The following FAM20A variants were observed in gnomAD, a reference collection of about 807,000 sequenced individuals.
FAM20A encodes FAM20A golgi associated secretory pathway pseudokinase, also known as pseudokinase FAM20A.
FAM20A carries 42 observed loss-of-function variants against 52.0 expected under a neutral mutation model. That is an observed-to-expected ratio of 0.81 (90% CI 0.63 to 1.04). FAM20A has a LOEUF of 1.04. FAM20A is among the 50% of genes least tolerant of loss of function. The pLI, the probability that FAM20A is intolerant of heterozygous loss-of-function variation, is 0.00. For missense variants in FAM20A, 742 were observed against 712.7 expected, an observed-to-expected ratio of 1.04 and a Z score of -0.47; for synonymous variants, 304 against 298.9, an observed-to-expected ratio of 1.02 and a Z score of -0.18.
In FAM20A at chr17:68,537,548, G is replaced by A. The variant is rs2086129850; in HGVS notation, c.1555C>T (p.Gln519Ter). The A allele has an allele frequency of 6.2e-7, 1 of 1,613,606 alleles. No individual in the cohort carries two copies. The highest frequency in any genetic ancestry group is 8.5e-7 in the Non-Finnish European group (1 of 1,179,738). Residue 519 changes from glutamine to a stop codon, truncating the protein, a stop_gained, in exon 11 of 11, where the codon CAG becomes TAG. Transcript: ENST00000592554. LOFTEE classifies it low-confidence loss of function (END_TRUNC). This position sits in a 1 kb window ranked among gnomAD's most constrained non-coding sequence, Gnocchi z 4.2. ...ACTGGGCCGTCGACTATGACACTCT[G>A]CTGTCCATGGGCCACTATGCACCCC... ...VEGCIVAHGQ[Q>*]SVIVDGPVEQ...
Position 68,540,067 on chromosome 17 carries a change from G to A in FAM20A, c.1220-101C>T, listed in dbSNP as rs566341586. 3.0e-5 allele frequency: 30 copies of A among 1,005,756 alleles called. No homozygotes were observed. In the African/African-American group the frequency reaches 4.4e-4, roughly 15 times the overall value. The allele number at this position is 1,005,756 out of a possible 1,614,324, so 62.3% of individuals were successfully genotyped here. Reference sequence around the variant, plus strand: ...GGAACGGAGGCCTGTCATCACTTGAGAGACAGGGGTGTGAACGAAGCTGGG... The same window carrying A: ...GGAACGGAGGCCTGTCATCACTTGAAAGACAGGGGTGTGAACGAAGCTGGG... On this transcript the variant is annotated intron_variant, in intron 8 of 10. Transcript: ENST00000592554.
At chr17:68,589,603 A>G (rs1178533834) in intron 1 of FAM20A, among the ~76,000 whole-genome samples, 1 of 152,150 alleles carries the variant, frequency 6.6e-6, no homozygotes, top group Non-Finnish European at 1.5e-5. Context: ...GGGCACATCA[A>G]TTTTGGAGAA....
At chr17:68,561,322 G>A (rs2087205273) in intron 1 of FAM20A, among the ~76,000 whole-genome samples, 1 of 152,192 alleles carries the variant, frequency 6.6e-6, no homozygotes, top group African/African-American at 2.4e-5. Context: ...TAGATAAAAT[G>A]TGTTAGGTAT....
intron 1 of FAM20A, among the ~76,000 whole-genome samples, chr17:68,576,054 G>A (rs1398641061): frequency 6.6e-6 from 1 of 151,850 alleles, no homozygotes; most frequent in Non-Finnish European, 1.5e-5. Context: ...CCTTTAAATG[G>A]GTCTGGCCAG....
At chr17:68,548,336 C>T (rs561739124) in intron 4 of FAM20A, among the ~76,000 whole-genome samples, 57 of 152,230 alleles carry the variant, frequency 3.7e-4, no homozygotes, top group Non-Finnish European at 3.1e-4. Context: ...TCGAGACCAG[C>T]CTGGCCAACA....
intron 1 of FAM20A, among the ~76,000 whole-genome samples, chr17:68,561,500 C>CT (rs1443476364): frequency 6.6e-6 from 1 of 151,832 alleles, no homozygotes; most frequent in Non-Finnish European, 1.5e-5. Context: ...GTTTCATGCT[C>CT]TGTCTGGCCA....
chr17:68,600,715 G>T lies in FAM20A; in HGVS notation c.-49C>A. ...CGGGGGCAGGCCGGCTGTCTCCGGGGTCCCGGGAGGGGTCGCGGGGTGCGG... is the reference window on the plus strand; with the variant it reads ...CGGGGGCAGGCCGGCTGTCTCCGGGTTCCCGGGAGGGGTCGCGGGGTGCGG... On this transcript the variant is annotated 5_prime_UTR_variant, in exon 1 of 11. Transcript: ENST00000592554. The surrounding 1 kb of genome is among the most constrained non-coding windows in gnomAD (Gnocchi z 6.2). 6.6e-7 allele frequency: 1 copy of T among 1,518,566 alleles called. No homozygotes were observed. The highest frequency in any genetic ancestry group is 8.8e-7 in the Non-Finnish European group (1 of 1,139,310). The allele number at this position is 1,518,566 out of a possible 1,614,324, so 94.1% of individuals were successfully genotyped here.
At chr17:68,540,803 C>T in intron 8 of FAM20A, 46 bp downstream of exon 8, 2 of 1,559,852 alleles carry the variant, frequency 1.3e-6, no homozygotes, top group East Asian at 2.4e-5. Context: ...ACCCTAGCCA[C>T]ATAGCAGAGC....
chr17:68,544,916 G>C (rs1281090776), intron 4 of FAM20A, among the ~76,000 whole-genome samples: 1 of 152,074 alleles, frequency 6.6e-6, no homozygotes, highest in Non-Finnish European at 1.5e-5. Flanking sequence ...TAAATTCAAA[G>C]GTTGTTTTTA....
chr17:68,570,102 G>A (rs2087498291), intron 1 of FAM20A, among the ~76,000 whole-genome samples: 1 of 152,152 alleles, frequency 6.6e-6, no homozygotes, highest in Non-Finnish European at 1.5e-5. Context: ...CTGAGACTGA[G>A]TCTTGCTTTG....
chr17:68,553,902 ATATATACATATATACACACATATAT>A (rs2086955717), intron 3 of FAM20A, among the ~76,000 whole-genome samples: 4 of 134,990 alleles, frequency 3.0e-5, no homozygotes, highest in Admixed American at 2.9e-4. Flanking sequence ...ACATATATGC[ATATATACATATATACACACATATAT>A]GCATATATAC....
Position 68,536,493 on chromosome 17 carries a change from A to C in FAM20A, c.*984T>G, listed in dbSNP as rs763052457. On this transcript the variant is annotated 3_prime_UTR_variant, in exon 11 of 11. Coordinates refer to ENST00000592554, the MANE Select transcript of FAM20A (RefSeq NM_017565.4). ...ACACTTTCTTCTAAGGGAGGCTTCA[A>C]TAAAAAACCTGACTTAGTCTTTTTT... The C allele has an allele frequency of 2.2e-6, 1 of 454,148 alleles. No individual in the cohort carries two copies. Among genetic ancestry groups the C allele is most frequent in the Non-Finnish European group, 4.4e-6 (1 of 226,802 alleles). The allele number at this position is 454,148 out of a possible 1,614,324, so 28.1% of individuals were successfully genotyped here. A position where few individuals can be genotyped will look rare whatever the true frequency, so the allele number is the denominator to read the frequency against.
chr17:68,559,051 C>G (rs879661121), intron 1 of FAM20A, among the ~76,000 whole-genome samples: 1 of 152,216 alleles, frequency 6.6e-6, no homozygotes, highest in African/African-American at 2.4e-5. Context: ...AGCCACCACA[C>G]CTCGCCAGAT....
At chr17:68,570,561 T>C (rs1221257499) in intron 1 of FAM20A, among the ~76,000 whole-genome samples, 1 of 152,210 alleles carries the variant, frequency 6.6e-6, no homozygotes, top group Non-Finnish European at 1.5e-5. Context: ...ATATGTTTGC[T>C]ATAATGTTAA....
At chr17:68,581,593 T>C (rs1235613966) in intron 1 of FAM20A, among the ~76,000 whole-genome samples, 5 of 148,228 alleles carry the variant, frequency 3.4e-5, no homozygotes, top group African/African-American at 1.0e-4. Context: ...TTTTTTTTTT[T>C]TTGACAGAGT....
In FAM20A at chr17:68,555,412, G is replaced by A. The variant is rs2087022326; in HGVS notation, c.589+147C>T. On this transcript the variant is annotated intron_variant, in intron 2 of 10. Coordinates refer to ENST00000592554, the MANE Select transcript of FAM20A (RefSeq NM_017565.4). ...TTATCGCTATAGGATCTCTTCCAGA[G>A]GGAAAAAGATCAATGCATATGTTCC... 4 of 919,092 alleles carry A rather than the reference G, an allele frequency of 4.4e-6. No homozygotes were observed. The African/African-American group carries it at 4.9e-5, about 11-fold the overall frequency. The allele number at this position is 919,092 out of a possible 1,614,324, so 56.9% of individuals were successfully genotyped here.
rs140963951 is a variant in FAM20A at position 68,580,516 on chromosome 17, T to C, written c.404+19747A>G. On this transcript the variant is annotated intron_variant, in intron 1 of 10. Coordinates refer to ENST00000592554, the MANE Select transcript of FAM20A (RefSeq NM_017565.4). ...TGTCCTTAACCTTATCCTGACCTCA[T>C]AGAACCACAGCCCTGGCTCAGCACT... Among the ~76,000 whole-genome samples, 14 of 152,348 alleles carry C rather than the reference T, an allele frequency of 9.2e-5. No individual in the cohort carries two copies. The East Asian group carries it at 2.7e-3, about 29-fold the overall frequency.
intron 6 of FAM20A, 129 bp downstream of exon 6, chr17:68,542,547 TGGTGGGAGTGTCTTACAA>T: frequency 1.4e-6 from 1 of 718,806 alleles, no homozygotes; most frequent in Admixed American, 2.0e-5. Context: ...AGGCAGACCA[TGGTGGGAGTGTCTTACAA>T]CTTCATACGC....
chr17:68,543,557 G>T, intron 5 of FAM20A, 72 bp downstream of exon 5: 1 of 1,332,072 alleles, frequency 7.5e-7, no homozygotes, highest in African/African-American at 1.4e-5. Context: ...CCACCTTGAG[G>T]GTCTGTCTAG....
Sources: gnomAD v4.1 joint callset for allele counts (sites outside exome capture counted in the v4.1 genomes callset) on GRCh38, gnomAD v4.1.1 for gene constraint, Gnocchi (gnomAD v3.1) non-coding constraint, MANE v1.5 for transcripts, NCBI Gene and HGNC (gene_info 2026-07-23, HGNC 2026-07-21) for gene names.